The following SLC25A48 variants were observed in gnomAD, a reference collection of about 807,000 sequenced individuals.
The protein encoded by SLC25A48 is CTC-321K16.1.
In SLC25A48, 29 loss-of-function variants were observed where a neutral mutation model predicts 32.2. The ratio of observed to expected loss-of-function variants is 0.90; its 90% CI spans 0.67 to 1.23. The LOEUF is 1.23. Among genes scored for constraint, SLC25A48 ranks in the 50% most tolerant of loss-of-function variants. The probability of loss-of-function intolerance (pLI) is 0.00; values close to 1 mark genes in which losing one functional copy is unlikely to be tolerated. For synonymous variants in SLC25A48, 164 were observed against 172.3 expected (o/e 0.95, Z 0.38); for missense variants, 399 against 422.7 (o/e 0.94, Z 0.49).
intron 3 of SLC25A48, among the ~76,000 whole-genome samples, chr5:135,757,296 C>T (rs1297214493): frequency 1.3e-5 from 2 of 149,524 alleles, no homozygotes; most frequent in African/African-American, 4.8e-5. Context: ...AGTGTTAACA[C>T]ACTATGATAT....
At chr5:135,614,685 CAT>C (rs748945694) in intron 1 of SLC25A48, among the ~76,000 whole-genome samples, 17 of 152,262 alleles carry the variant, frequency 1.1e-4, no homozygotes, top group Admixed American at 2.0e-4. Context: ...TGATTTACCA[CAT>C]GTTTGATTTT....
intron 3 of SLC25A48, among the ~76,000 whole-genome samples, chr5:135,669,682 A>G (rs1441596657): frequency 6.6e-6 from 1 of 152,162 alleles, no homozygotes; most frequent in Non-Finnish European, 1.5e-5. Flanking sequence ...GTGCTGTCCA[A>G]GAATGTGCCT....
chr5:135,883,367 C>A (rs1460111982), intron 7 of SLC25A48: 2 of 985,364 alleles, frequency 2.0e-6, no homozygotes, highest in Non-Finnish European at 2.4e-6. Flanking sequence ...AGACCCTCCC[C>A]CCATGGCCAT....
chr5:135,657,006 C>T (rs1435536944), intron 3 of SLC25A48, among the ~76,000 whole-genome samples: 1 of 152,196 alleles, frequency 6.6e-6, no homozygotes, highest in East Asian at 1.9e-4. Context: ...TCCTCCATCT[C>T]AGGGTGAGCA....
At chr5:135,671,113 CTG>C (rs1224431313) in intron 3 of SLC25A48, among the ~76,000 whole-genome samples, 2 of 152,144 alleles carry the variant, frequency 1.3e-5, no homozygotes, top group Non-Finnish European at 2.9e-5. Flanking sequence ...TCCTAGCCAG[CTG>C]TGTGGGGAAA....
rs1757773517 is a variant in SLC25A48 at position 135,818,054 on chromosome 5, C to CT, written c.-117+5128_-117+5129insT. ...GTTTCCCAGGTTTGTTCTCTCTGTT[C>CT]CTCTCTCTCTCTCTCTCTCTCTCTC... is the stretch of plus-strand genomic sequence containing the variant. On this transcript the variant is annotated intron_variant, in intron 4 of 10. Coordinates refer to the SLC25A48 transcript ENST00000646290. Among the ~76,000 whole-genome samples, 44 of 80,668 alleles carry CT rather than the reference C, an allele frequency of 5.5e-4. 1 individual carries two copies. Among genetic ancestry groups the CT allele is most frequent in the African/African-American group, 2.2e-3 (43 of 19,302 alleles). The allele number at this position is 80,668 out of a possible 152,430, so 52.9% of individuals were successfully genotyped here.
intron 3 of SLC25A48, among the ~76,000 whole-genome samples, chr5:135,708,448 G>A (rs1047296245): frequency 2.0e-5 from 3 of 152,172 alleles, no homozygotes; most frequent in Non-Finnish European, 4.4e-5. Flanking sequence ...TCTTCTCCCT[G>A]AGTTAAACTA....
chr5:135,656,126 C>G (rs73283283), intron 3 of SLC25A48, among the ~76,000 whole-genome samples: 8,836 of 152,198 alleles, frequency 0.058, 467 homozygotes, highest in African/African-American at 0.14. Flanking sequence ...CATTAGTTGG[C>G]TTTAAGAACT....
At chr5:135,693,254 C>A (rs538208220) in intron 3 of SLC25A48, among the ~76,000 whole-genome samples, 224 of 152,288 alleles carry the variant, frequency 1.5e-3, no homozygotes, top group Non-Finnish European at 2.6e-3. Flanking sequence ...TAAATGTTGA[C>A]AAGAAGACTC....
intron 3 of SLC25A48, among the ~76,000 whole-genome samples, chr5:135,726,107 A>G (rs1316866050): frequency 2.6e-5 from 4 of 152,234 alleles, no homozygotes; most frequent in Non-Finnish European, 5.9e-5. Context: ...GACTATAGCC[A>G]GAGTCTGGCC....
intron 3 of SLC25A48, among the ~76,000 whole-genome samples, chr5:135,639,362 T>C (rs926495108): frequency 5.9e-5 from 9 of 152,204 alleles, no homozygotes; most frequent in African/African-American, 2.2e-4. Flanking sequence ...CATCACCAGC[T>C]TTTTTGAAAA....
At chr5:135,839,509 A>G (rs1167867411) in intron 1 of SLC25A48, among the ~76,000 whole-genome samples, 1 of 152,202 alleles carries the variant, frequency 6.6e-6, no homozygotes, top group Non-Finnish European at 1.5e-5. Context: ...TTACAGGCTT[A>G]TAAGTGGAAG....
chr5:135,707,880 G>A (rs1004853898), intron 3 of SLC25A48, among the ~76,000 whole-genome samples: 4 of 152,222 alleles, frequency 2.6e-5, no homozygotes, highest in Non-Finnish European at 4.4e-5. Flanking sequence ...CTGGTGCCTG[G>A]CATGGAGTAG....
intron 3 of SLC25A48, among the ~76,000 whole-genome samples, chr5:135,795,410 T>C (rs1423040601): frequency 6.6e-6 from 1 of 151,724 alleles, no homozygotes; most frequent in Non-Finnish European, 1.5e-5. Context: ...GGGTGTACAC[T>C]CTTCCTGTGA....
At chr5:135,637,592 G>A (rs1382145389) in intron 3 of SLC25A48, among the ~76,000 whole-genome samples, 1 of 152,186 alleles carries the variant, frequency 6.6e-6, no homozygotes, top group Non-Finnish European at 1.5e-5. Context: ...AACCCAGCAG[G>A]TCTTCTTTGG....
chr5:135,820,364 A>G (rs2126659360), intron 4 of SLC25A48, among the ~76,000 whole-genome samples: 1 of 152,358 alleles, frequency 6.6e-6, no homozygotes, highest in South Asian at 2.1e-4. Flanking sequence ...AATCTATAGT[A>G]TCAAAAAGCA....
At chr5:135,748,185 C>T (rs1330127532) in intron 3 of SLC25A48, among the ~76,000 whole-genome samples, 1 of 152,204 alleles carries the variant, frequency 6.6e-6, no homozygotes, top group Non-Finnish European at 1.5e-5. Flanking sequence ...TTTACTTGCC[C>T]ACAATCTGAG....
intron 1 of SLC25A48, among the ~76,000 whole-genome samples, chr5:135,840,628 C>T (rs2126698006): frequency 6.6e-6 from 1 of 152,292 alleles, no homozygotes; most frequent in South Asian, 2.1e-4. Context: ...TATGGATTTG[C>T]CTATTCTGGG....
At chr5:135,788,819 C>T (rs916222989) in intron 3 of SLC25A48, among the ~76,000 whole-genome samples, 3 of 149,446 alleles carry the variant, frequency 2.0e-5, no homozygotes, top group African/African-American at 4.9e-5. Flanking sequence ...GGGATGTACA[C>T]CCCCCTCCCT....
Sources: allele counts gnomAD v4.1 joint callset (sites outside exome capture counted in the v4.1 genomes callset), GRCh38; gene constraint gnomAD v4.1.1; transcripts MANE v1.5; gene names NCBI Gene and HGNC (gene_info 2026-07-23, HGNC 2026-07-21).